Variants in RAB2A observed in about 807,000 individuals in gnomAD.
RAB2A encodes the protein RAB2A, member RAS oncogene family, also known as ras-related protein Rab-2A.
Under a neutral mutation model 32.5 loss-of-function variants are expected in RAB2A, and 7 were observed. The ratio of observed to expected loss-of-function variants is 0.22; its 90% CI spans 0.12 to 0.40. RAB2A has a LOEUF of 0.40. Ranked by LOEUF, RAB2A falls within the 10% of genes least tolerant of loss-of-function variation. The pLI, the probability that RAB2A is intolerant of heterozygous loss-of-function variation, is 1.00. For missense variants in RAB2A, 108 were observed against 260.7 expected, an observed-to-expected ratio of 0.41 and a Z score of 4.03; for synonymous variants, 79 against 85.2, an observed-to-expected ratio of 0.93 and a Z score of 0.40.
rs1161673762 is a variant in RAB2A at position 60,548,762 on chromosome 8, C to T, written c.47-10090C>T. ...CTGCCGGATGGGGCGGCTGGCCGGG[C>T]GGGGGGCTGATCCCCCCACCTCCCT... On this transcript the variant is annotated intron_variant, in intron 1 of 7. Transcript: ENST00000262646. 5.4e-4 allele frequency among the ~76,000 whole-genome samples: 74 copies of T among 137,960 alleles called. 2 individuals are homozygous for T. In the South Asian group the frequency reaches 8.9e-3, roughly 17 times the overall value. 90.5% of individuals were successfully genotyped at this position (137,960 alleles called of 152,430 possible).
chr8:60,521,682 G>T (rs574265140), intron 1 of RAB2A, among the ~76,000 whole-genome samples: 1 of 152,054 alleles, frequency 6.6e-6, no homozygotes, highest in Non-Finnish European at 1.5e-5. Context: ...GTGCAGTGGC[G>T]CCATCTGGGT....
chr8:60,587,843 G>A (rs10957147), intron 5 of RAB2A, among the ~76,000 whole-genome samples: 81,158 of 152,026 alleles, frequency 0.53, 24,551 homozygotes, highest in African/African-American at 0.83. Context: ...TGTGAAAAAT[G>A]TATCTGACAA....
intron 1 of RAB2A, among the ~76,000 whole-genome samples, chr8:60,526,653 A>G (rs1407565485): frequency 6.6e-6 from 1 of 152,184 alleles, no homozygotes; most frequent in Non-Finnish European, 1.5e-5. Context: ...GGCCTGCATT[A>G]GTCCATTCTC....
intron 1 of RAB2A, among the ~76,000 whole-genome samples, chr8:60,525,796 T>A (rs1293996058): frequency 6.6e-6 from 1 of 151,898 alleles, no homozygotes; most frequent in Non-Finnish European, 1.5e-5. Context: ...AAATAATGAA[T>A]GTGTGCTAGG....
chr8:60,596,177 C>T (rs1804019100), intron 6 of RAB2A, among the ~76,000 whole-genome samples: 1 of 152,102 alleles, frequency 6.6e-6, no homozygotes, highest in Non-Finnish European at 1.5e-5. Flanking sequence ...AAACATAAGA[C>T]CTAAAACCAT....
chr8:60,546,891 C>CTTTTTTTTTTTTTTTTTTTTTTTTTTGT (rs6150606), intron 1 of RAB2A, among the ~76,000 whole-genome samples: 1 of 98,948 alleles, frequency 1.0e-5, no homozygotes, highest in African/African-American at 4.4e-5. Context: ...TTTTTTGGGT[C>CTTTTTTTTTTTTTTTTTTTTTTTTTTGT]TTTTTTTTTT....
chr8:60,609,052 A>G (rs1804290592), intron 6 of RAB2A, among the ~76,000 whole-genome samples: 1 of 152,100 alleles, frequency 6.6e-6, no homozygotes, highest in African/African-American at 2.4e-5. Context: ...GTCTCTCTCC[A>G]GTTTTATTAA....
chr8:60,542,204 C>T (rs114613551), intron 1 of RAB2A, among the ~76,000 whole-genome samples: 140 of 152,132 alleles, frequency 9.2e-4, no homozygotes, highest in African/African-American at 3.1e-3. Context: ...CAAAAGAAGT[C>T]GCTGGTTATT....
intron 1 of RAB2A, among the ~76,000 whole-genome samples, chr8:60,530,702 T>C (rs1431431019): frequency 6.6e-6 from 1 of 152,214 alleles, no homozygotes; most frequent in Non-Finnish European, 1.5e-5. Context: ...TGTTTTTATA[T>C]GTATTGTAAT....
intron 1 of RAB2A, among the ~76,000 whole-genome samples, chr8:60,532,046 C>A (rs972824982): frequency 1.4e-4 from 22 of 152,244 alleles, no homozygotes; most frequent in African/African-American, 5.3e-4. Flanking sequence ...CTCAGGTGAT[C>A]CACTCGCCTT....
intron 3 of RAB2A, among the ~76,000 whole-genome samples, chr8:60,580,629 T>G (rs1045599313): frequency 3.3e-5 from 5 of 152,338 alleles, no homozygotes; most frequent in African/African-American, 1.2e-4. Flanking sequence ...TGTTTTTTTA[T>G]TTGCTCGAGC....
intron 1 of RAB2A, among the ~76,000 whole-genome samples, chr8:60,556,342 C>G (rs1389840152): frequency 6.6e-6 from 1 of 151,874 alleles, no homozygotes; most frequent in Non-Finnish European, 1.5e-5. Context: ...TTTCAAATAG[C>G]TACAAGAGAG....
At chr8:60,602,354 A>G (rs1359261505) in intron 6 of RAB2A, among the ~76,000 whole-genome samples, 2 of 152,256 alleles carry the variant, frequency 1.3e-5, no homozygotes, top group African/African-American at 4.8e-5. Context: ...AGTAATTTTA[A>G]AAAATATAAC....
intron 7 of RAB2A, among the ~76,000 whole-genome samples, chr8:60,620,330 G>A (rs1164467046): frequency 6.6e-6 from 1 of 152,238 alleles, no homozygotes; most frequent in Non-Finnish European, 1.5e-5. Flanking sequence ...TTGTATTAAA[G>A]CAGCATGGGC....
intron 2 of RAB2A, among the ~76,000 whole-genome samples, chr8:60,569,714 C>T (rs534618069): frequency 4.6e-5 from 7 of 152,198 alleles, no homozygotes; most frequent in Non-Finnish European, 8.8e-5. Context: ...GGTCTCCCTA[C>T]GTTGTCCAGG....
chr8:60,571,291 G>A (rs561632487), intron 2 of RAB2A, among the ~76,000 whole-genome samples: 2 of 152,260 alleles, frequency 1.3e-5, no homozygotes, highest in South Asian at 2.1e-4. Flanking sequence ...TCACTATTTA[G>A]TGAAAATAGG....
chr8:60,613,155 G>T (rs1804387000), intron 6 of RAB2A, among the ~76,000 whole-genome samples: 1 of 152,066 alleles, frequency 6.6e-6, no homozygotes, highest in Non-Finnish European at 1.5e-5. Context: ...ACTTTTTTAA[G>T]GTTTAGCTCT....
chr8:60,525,355 C>T (rs1357209206), intron 1 of RAB2A, among the ~76,000 whole-genome samples: 1 of 152,140 alleles, frequency 6.6e-6, no homozygotes, highest in Non-Finnish European at 1.5e-5. Flanking sequence ...CCCCTTCTGC[C>T]ATGATTATAA....
chr8:60,608,484 T>A (rs1371220168), intron 6 of RAB2A, among the ~76,000 whole-genome samples: 1 of 63,010 alleles, frequency 1.6e-5, no homozygotes, highest in African/African-American at 2.3e-4. Flanking sequence ...TCCCTCTCCC[T>A]CTTCCTCTCC....
Sources: gnomAD v4.1 joint callset for allele counts (sites outside exome capture counted in the v4.1 genomes callset) on GRCh38, gnomAD v4.1.1 for gene constraint, MANE v1.5 for transcripts, NCBI Gene and HGNC (gene_info 2026-07-23, HGNC 2026-07-21) for gene names.